PPM1L: variants seen among roughly 807,000 people sequenced by gnomAD.
PPM1L encodes protein phosphatase, Mg2+/Mn2+ dependent 1L.
A neutral mutation model predicts 31.4 loss-of-function variants in PPM1L; 13 were observed. The ratio of observed to expected loss-of-function variants is 0.41; its 90% confidence interval spans 0.27 to 0.66. The LOEUF (loss-of-function observed/expected upper bound fraction) is 0.66, where lower values mean the gene tolerates loss of function less well. PPM1L is among the 30% of genes least tolerant of loss of function. The pLI is 0.29. For missense variants in PPM1L, 326 were observed against 453.7 expected (o/e 0.72, Z 2.56); for synonymous variants, 184 against 175.4 (o/e 1.05, Z -0.39).
intron 2 of PPM1L, among the ~76,000 whole-genome samples, chr3:161,011,560 G>A (rs9816184): frequency 0.58 from 86,398 of 149,728 alleles, 26,273 homozygotes; most frequent in East Asian, 0.92. Flanking sequence ...GAAGAAAGTC[G>A]TTGGTAGCTT....
chr3:161,065,063 A>G (rs1719684170), intron 2 of PPM1L, among the ~76,000 whole-genome samples: 1 of 151,992 alleles, frequency 6.6e-6, no homozygotes, highest in African/African-American at 2.4e-5. Flanking sequence ...GCAGAAGCCA[A>G]AAGTGTGTAT....
chr3:160,806,740 T>C (rs185527621), intron 1 of PPM1L, among the ~76,000 whole-genome samples: 348 of 148,142 alleles, frequency 2.3e-3, no homozygotes, highest in African/African-American at 8.0e-3. Context: ...CCTCTTGGTC[T>C]CTGAAAAAGA....
chr3:161,003,060 T>A (rs915682025), intron 2 of PPM1L, among the ~76,000 whole-genome samples: 1 of 139,088 alleles, frequency 7.2e-6, no homozygotes, highest in African/African-American at 2.6e-5. Flanking sequence ...TACATATGGC[T>A]AGCCAGTTTT....
chr3:160,975,379 C>T (rs368804269), intron 2 of PPM1L, among the ~76,000 whole-genome samples: 1 of 152,032 alleles, frequency 6.6e-6, no homozygotes, highest in Non-Finnish European at 1.5e-5. Flanking sequence ...TCCATATGAA[C>T]TTTAAAGTAG....
At chr3:160,972,927 G>A (rs993917081) in intron 2 of PPM1L, among the ~76,000 whole-genome samples, 3 of 151,982 alleles carry the variant, frequency 2.0e-5, no homozygotes, top group African/African-American at 4.8e-5. Flanking sequence ...CTGTGGTTTT[G>A]ATTTGCATTT....
chr3:161,013,798 T>C (rs1457934864), intron 2 of PPM1L, among the ~76,000 whole-genome samples: 1 of 152,258 alleles, frequency 6.6e-6, no homozygotes, highest in Non-Finnish European at 1.5e-5. Context: ...TTGTCTCTTT[T>C]GATCTTTGTT....
At chr3:160,975,445 T>C (rs1169864170) in intron 2 of PPM1L, among the ~76,000 whole-genome samples, 4 of 152,204 alleles carry the variant, frequency 2.6e-5, no homozygotes, top group African/African-American at 4.8e-5. Flanking sequence ...TGGCATTGAA[T>C]CTGTAAATTG....
At chr3:160,757,431 G>A (rs562027198) in intron 1 of PPM1L, among the ~76,000 whole-genome samples, 1 of 152,280 alleles carries the variant, frequency 6.6e-6, no homozygotes, top group African/African-American at 2.4e-5. Flanking sequence ...GGCGGGCTTA[G>A]GGGTGCAGAC....
chr3:160,959,966 G>A (rs1001775614), intron 1 of PPM1L, among the ~76,000 whole-genome samples: 1 of 151,930 alleles, frequency 6.6e-6, no homozygotes, highest in Admixed American at 6.6e-5. Flanking sequence ...TCATATATAT[G>A]TATATATATG....
rs1370047604 is a variant in PPM1L at position 161,074,652 on chromosome 3, G to A, written c.*5495G>A. The A allele has an allele frequency of 6.6e-6, 1 of 152,094 alleles. No homozygotes were observed. The highest frequency in any genetic ancestry group is 1.5e-5 in the Non-Finnish European group (1 of 68,018). 9.4% of individuals were successfully genotyped at this position (152,094 alleles called of 1,614,324 possible). On this transcript the variant is annotated 3_prime_UTR_variant, in exon 4 of 4. Coordinates refer to ENST00000498165, the MANE Select transcript of PPM1L (RefSeq NM_139245.4). ...TGATCCTTAGTAATGTTAATGCTTT[G>A]TCTATTTGTTATTTTTACCACTGTT... is the stretch of plus-strand genomic sequence containing the variant.
At chr3:160,885,486 A>C (rs143326985) in intron 1 of PPM1L, among the ~76,000 whole-genome samples, 141 of 152,330 alleles carry the variant, frequency 9.3e-4, no homozygotes, top group African/African-American at 3.3e-3. Flanking sequence ...AAGAACCATA[A>C]TAAACATGTG....
intron 1 of PPM1L, among the ~76,000 whole-genome samples, chr3:160,875,197 C>G (rs1356885550): frequency 6.6e-6 from 1 of 152,102 alleles, no homozygotes; most frequent in Non-Finnish European, 1.5e-5. Context: ...CAGACTCTTA[C>G]AAGGCAGGAT....
chr3:160,965,312 C>T (rs1227598657), intron 2 of PPM1L, among the ~76,000 whole-genome samples: 1 of 151,966 alleles, frequency 6.6e-6, no homozygotes, highest in Non-Finnish European at 1.5e-5. Flanking sequence ...CCATCCTACA[C>T]AGAAGCTTCC....
intron 1 of PPM1L, among the ~76,000 whole-genome samples, chr3:160,774,333 A>G (rs1388033596): frequency 2.0e-5 from 3 of 152,004 alleles, no homozygotes; most frequent in African/African-American, 7.3e-5. Context: ...TGGTACTGCC[A>G]CCATGCTAAT....
intron 1 of PPM1L, among the ~76,000 whole-genome samples, chr3:160,760,865 T>C (rs532357839): frequency 6.6e-6 from 1 of 152,330 alleles, no homozygotes; most frequent in Non-Finnish European, 1.5e-5. Context: ...AAAGGTCTTA[T>C]GTATCTTGAT....
chr3:160,944,119 T>C (rs1715248248), intron 1 of PPM1L, among the ~76,000 whole-genome samples: 1 of 152,060 alleles, frequency 6.6e-6, no homozygotes, highest in Non-Finnish European at 1.5e-5. Flanking sequence ...GATTTTTTTT[T>C]CTTGCTGTTT....
At chr3:160,949,304 A>G (rs1715503912) in intron 1 of PPM1L, among the ~76,000 whole-genome samples, 1 of 152,206 alleles carries the variant, frequency 6.6e-6, no homozygotes, top group Admixed American at 6.5e-5. Context: ...TATTTCTGGG[A>G]AAAGGATTTG....
At chr3:160,834,749 A>G (rs1713644902) in intron 1 of PPM1L, among the ~76,000 whole-genome samples, 1 of 152,158 alleles carries the variant, frequency 6.6e-6, no homozygotes. Flanking sequence ...AAGTTTTCTC[A>G]TGTATCAATA....
intron 2 of PPM1L, among the ~76,000 whole-genome samples, chr3:161,060,496 A>G (rs1719536583): frequency 1.3e-5 from 2 of 152,186 alleles, no homozygotes; most frequent in South Asian, 4.1e-4. Flanking sequence ...CAATGCTGTG[A>G]GAACAAACTG....
Sources: allele counts gnomAD v4.1 joint callset (sites outside exome capture counted in the v4.1 genomes callset), GRCh38; gene constraint gnomAD v4.1.1; transcripts MANE v1.5; gene names NCBI Gene and HGNC (gene_info 2026-07-23, HGNC 2026-07-21).